NFATC2: variants seen among roughly 807,000 people sequenced by gnomAD.
The protein encoded by NFATC2 is nuclear factor of activated T-cells, cytoplasmic 2.
In NFATC2, 22 loss-of-function variants were observed where a neutral mutation model predicts 87.3. The ratio of observed to expected loss-of-function variants is 0.25; its 90% CI spans 0.18 to 0.36. The LOEUF (loss-of-function observed/expected upper bound fraction) is 0.36, where lower values mean the gene tolerates loss of function less well. NFATC2 is among the 10% of genes least tolerant of loss of function. NFATC2 has a pLI of 1.00. For synonymous variants in NFATC2, 565 were observed against 542.2 expected (o/e 1.04, Z -0.58); for missense variants, 1,149 against 1,259.1 (o/e 0.91, Z 1.32).
Position 51,454,651 on chromosome 20 carries a change from T to A in NFATC2, c.1746A>T (p.Arg582Ser), listed in dbSNP as rs1162221243. Residue 582 changes from arginine (R) to serine (S), a missense_variant, in exon 6 of 11, where the codon AGA (arginine) becomes AGT (serine). Physicochemically the swap from Arg to Ser is moderately radical, Grantham distance 110 (BLOSUM62 -1). This residue lies in a region of NFATC2 where 581 missense variants were observed against 649.7 expected (regional missense o/e 0.89). Coordinates refer to ENST00000371564, the MANE Select transcript of NFATC2 (RefSeq NM_012340.5). ...AGACCAGGCAGCTGTCTGTGTCTTGTCTTTCAACCATGGGCAGCTCGTGAG... is the reference window on the plus strand; with the variant it reads ...AGACCAGGCAGCTGTCTGTGTCTTGACTTTCAACCATGGGCAGCTCGTGAG... The part of the protein sequence containing the change: ...RSAHELPMVE[R>S]QDTDSCLVYG... The A allele has an allele frequency of 6.2e-7, 1 of 1,613,970 alleles. No homozygotes were observed. The highest frequency in any genetic ancestry group is 8.5e-7 in the Non-Finnish European group (1 of 1,180,036).
chr20:51,446,624 G>A (rs539301531), intron 6 of NFATC2, among the ~76,000 whole-genome samples: 3 of 152,286 alleles, frequency 2.0e-5, no homozygotes, highest in East Asian at 3.9e-4. Context: ...GGATGCAAAC[G>A]GAATGAACTG....
chr20:51,485,731 T>C (rs2146558764), intron 3 of NFATC2, among the ~76,000 whole-genome samples: 1 of 152,284 alleles, frequency 6.6e-6, no homozygotes, highest in Middle Eastern at 3.4e-3. Flanking sequence ...TCATCATCTG[T>C]AAATGTGGCT....
chr20:51,525,609 C>T (rs1326094640), intron 1 of NFATC2, among the ~76,000 whole-genome samples: 2 of 149,522 alleles, frequency 1.3e-5, no homozygotes, highest in African/African-American at 2.5e-5. Flanking sequence ...CATGGGGCGG[C>T]CTGGACTCCT....
At position 51,559,901 on chromosome 20, in the gene NFATC2, G is replaced by A. The variant is rs540982164; in HGVS notation, c.70+2659C>T. On this transcript the variant is annotated intron_variant, in intron 1 of 10. Transcript: ENST00000414705. ...TTTCATACGATGCTCTTGACAATCCGATGAAGTTGATACTATCATTATTCC... is the reference window on the plus strand; with the variant it reads ...TTTCATACGATGCTCTTGACAATCCAATGAAGTTGATACTATCATTATTCC... Among the ~76,000 whole-genome samples the A allele has an allele frequency of 6.6e-4, 100 of 152,310 alleles. 1 individual carries two copies. Among genetic ancestry groups the A allele is most frequent in the Non-Finnish European group, 1.3e-3 (86 of 68,032 alleles).
intron 3 of NFATC2, among the ~76,000 whole-genome samples, chr20:51,477,341 G>A (rs1049785719): frequency 6.6e-6 from 1 of 151,702 alleles, no homozygotes; most frequent in Admixed American, 6.6e-5. Context: ...ATAGAAAAAG[G>A]TGTGAAAGGA....
At chr20:51,462,976 G>A (rs2146466222) in intron 5 of NFATC2, among the ~76,000 whole-genome samples, 1 of 152,376 alleles carries the variant, frequency 6.6e-6, no homozygotes, top group African/African-American at 2.4e-5. Context: ...CAGGCAAGAA[G>A]GTTCCTCCCA....
chr20:51,504,552 A>G (rs1243195763), intron 3 of NFATC2, among the ~76,000 whole-genome samples: 1 of 152,256 alleles, frequency 6.6e-6, no homozygotes, highest in Non-Finnish European at 1.5e-5. Context: ...GAACTTATTC[A>G]TGCAACCAAA....
At chr20:51,395,145 G>A (rs188360716) in intron 10 of NFATC2, among the ~76,000 whole-genome samples, 15 of 152,316 alleles carry the variant, frequency 9.8e-5, no homozygotes, top group Admixed American at 9.8e-4. Context: ...TTTCCTGAGA[G>A]CTGTGTGCCA....
chr20:51,420,772 T>A (rs1241024273), intron 9 of NFATC2, among the ~76,000 whole-genome samples: 1 of 152,190 alleles, frequency 6.6e-6, no homozygotes, highest in Non-Finnish European at 1.5e-5. Flanking sequence ...AAACACTAGG[T>A]ATTTCATGAT....
intron 5 of NFATC2, among the ~76,000 whole-genome samples, chr20:51,464,045 T>C (rs752016815): frequency 8.5e-5 from 13 of 152,172 alleles, no homozygotes; most frequent in South Asian, 2.1e-4. Context: ...CAGATAACTA[T>C]TGGGGTTCCT....
At chr20:51,406,498 C>T (rs1978339736) in intron 9 of NFATC2, among the ~76,000 whole-genome samples, 1 of 152,232 alleles carries the variant, frequency 6.6e-6, no homozygotes. Flanking sequence ...GCCCGGTACA[C>T]ATCTAAAAGG....
intron 9 of NFATC2, among the ~76,000 whole-genome samples, chr20:51,401,772 A>C (rs1988073220): frequency 6.6e-6 from 1 of 152,170 alleles, no homozygotes; most frequent in South Asian, 2.1e-4. Context: ...CCTATGGACT[A>C]GGTGATAATT....
At chr20:51,508,517 CAAG>C (rs1243366864) in intron 3 of NFATC2, among the ~76,000 whole-genome samples, 2 of 152,040 alleles carry the variant, frequency 1.3e-5, no homozygotes, top group Non-Finnish European at 2.9e-5. Context: ...CTGGTATAGA[CAAG>C]GAGGAGGTGG....
At chr20:51,472,272 T>A (rs1416342762) in intron 5 of NFATC2, among the ~76,000 whole-genome samples, 2 of 151,996 alleles carry the variant, frequency 1.3e-5, no homozygotes, top group Non-Finnish European at 2.9e-5. Flanking sequence ...TAAAATAAAA[T>A]AACCAAAATA....
At chr20:51,561,971 C>G (rs2077036753) in intron 1 of NFATC2, among the ~76,000 whole-genome samples, 2 of 152,102 alleles carry the variant, frequency 1.3e-5, no homozygotes, top group African/African-American at 4.8e-5. Flanking sequence ...GATCCCCAAA[C>G]AAACTGATGG....
intron 1 of NFATC2, among the ~76,000 whole-genome samples, chr20:51,551,558 A>G (rs2076932702): frequency 6.9e-6 from 1 of 145,518 alleles, no homozygotes; most frequent in African/African-American, 2.5e-5. Context: ...TCCTGCCACC[A>G]TGCCCTGCTA....
chr20:51,439,702 C>T (rs974164727), intron 6 of NFATC2, among the ~76,000 whole-genome samples: 12 of 152,212 alleles, frequency 7.9e-5, no homozygotes, highest in African/African-American at 2.4e-4. Flanking sequence ...CCATGTCCTG[C>T]GGCCACAACC....
chr20:51,473,889 C>T (rs573203675), intron 5 of NFATC2, 91 bp downstream of exon 5: 17 of 1,420,390 alleles, frequency 1.2e-5, no homozygotes, highest in Middle Eastern at 2.0e-4. Context: ...CAGGCCACCC[C>T]GGGTACCTCG....
intron 6 of NFATC2, among the ~76,000 whole-genome samples, chr20:51,439,471 C>G (rs527925057): frequency 6.6e-6 from 1 of 152,338 alleles, no homozygotes; most frequent in East Asian, 1.9e-4. Context: ...GCTCCTCCAT[C>G]TAGTTCCTCT....
Sources: allele counts gnomAD v4.1 joint callset (sites outside exome capture counted in the v4.1 genomes callset), GRCh38; gene constraint gnomAD v4.1.1; regional missense constraint gnomAD v4.1.1; transcripts MANE v1.5; gene names NCBI Gene and HGNC (gene_info 2026-07-23, HGNC 2026-07-21).